Variants in SVIL observed in about 807,000 individuals in gnomAD.
SVIL encodes archvillin.
A neutral mutation model predicts 240.4 loss-of-function variants in SVIL; 101 were observed. That is an observed-to-expected ratio of 0.42 (90% CI 0.36 to 0.50). The LOEUF (loss-of-function observed/expected upper bound fraction) is 0.50. SVIL is among the 20% of genes least tolerant of loss of function. The pLI, the probability that SVIL is intolerant of heterozygous loss-of-function variation, is 0.01. For missense variants in SVIL, 2,512 were observed against 2,818.7 expected, an observed-to-expected ratio of 0.89 and a Z score of 2.46; for synonymous variants, 999 against 1,100.0, an observed-to-expected ratio of 0.91 and a Z score of 1.82.
chr10:29,498,230 C>A (rs1220931433), intron 18 of SVIL, among the ~76,000 whole-genome samples: 2 of 151,574 alleles, frequency 1.3e-5, no homozygotes, highest in African/African-American at 4.8e-5. Flanking sequence ...CCACCTGGCC[C>A]ACATGGTGAA....
intron 2 of SVIL, among the ~76,000 whole-genome samples, chr10:29,568,739 A>G (rs963391090): frequency 5.3e-5 from 8 of 152,050 alleles, no homozygotes; most frequent in African/African-American, 1.9e-4. Context: ...GTTAAGAGAG[A>G]GAGTTGAGAA....
intron 12 of SVIL, among the ~76,000 whole-genome samples, chr10:29,528,271 G>A (rs557964187): frequency 1.6e-4 from 24 of 152,140 alleles, no homozygotes; most frequent in Non-Finnish European, 2.6e-4. Context: ...AGAAACTGAG[G>A]AACAACTCGG....
intron 1 of SVIL, among the ~76,000 whole-genome samples, chr10:29,692,271 A>T (rs1446994434): frequency 1.3e-5 from 2 of 152,188 alleles, no homozygotes; most frequent in Non-Finnish European, 2.9e-5. Flanking sequence ...AGACGATGTG[A>T]TTTTCATGAC....
intron 33 of SVIL, among the ~76,000 whole-genome samples, chr10:29,466,278 C>T (rs1944913339): frequency 1.3e-5 from 2 of 151,566 alleles, no homozygotes; most frequent in Admixed American, 1.3e-4. Context: ...ATTTTATATA[C>T]ATTATACATG....
chr10:29,663,505 C>A (rs1959181350), intron 2 of SVIL, among the ~76,000 whole-genome samples: 1 of 152,190 alleles, frequency 6.6e-6, no homozygotes, highest in Admixed American at 6.5e-5. Flanking sequence ...TACAGGTGTG[C>A]ACCACAATGC....
chr10:29,519,003 A>C (rs1309364249), intron 16 of SVIL, among the ~76,000 whole-genome samples: 1 of 152,226 alleles, frequency 6.6e-6, no homozygotes, highest in Admixed American at 6.5e-5. Context: ...AGGCTGAAGA[A>C]GACAGACCTG....
chr10:29,718,325 CAAA>C (rs59660864), intron 1 of SVIL, among the ~76,000 whole-genome samples: 4 of 133,624 alleles, frequency 3.0e-5, no homozygotes, highest in Admixed American at 7.6e-5. Context: ...GACTCCGTCT[CAAA>C]AAAAAAAAAA....
chr10:29,537,421 C>T (rs945469014), intron 6 of SVIL, among the ~76,000 whole-genome samples: 3 of 152,110 alleles, frequency 2.0e-5, no homozygotes, highest in African/African-American at 4.8e-5. Flanking sequence ...AGAATATGAA[C>T]GAGTAATTAT....
chr10:29,530,179 A>C (rs1951256506), intron 11 of SVIL, among the ~76,000 whole-genome samples: 1 of 152,222 alleles, frequency 6.6e-6, no homozygotes, highest in Admixed American at 6.5e-5. Context: ...ATCTCTAAAA[A>C]AAAATTAAAA....
At chr10:29,460,454 G>A (rs1366259547) in intron 36 of SVIL, among the ~76,000 whole-genome samples, 1 of 152,176 alleles carries the variant, frequency 6.6e-6, no homozygotes, top group African/African-American at 2.4e-5. Flanking sequence ...GGAGGATGGT[G>A]AGTTATATCC....
intron 2 of SVIL, among the ~76,000 whole-genome samples, chr10:29,565,248 C>T (rs3758367): frequency 6.6e-6 from 1 of 151,926 alleles, no homozygotes; most frequent in Non-Finnish European, 1.5e-5. Flanking sequence ...AAGCAAGAAA[C>T]TGTCCCTGAG....
chr10:29,519,635 A>C (rs1950437717), intron 16 of SVIL, among the ~76,000 whole-genome samples: 5 of 152,240 alleles, frequency 3.3e-5, no homozygotes. Flanking sequence ...AGTACTGTGA[A>C]GGTAAGGGGG....
chr10:29,476,616 G>T (rs1441132948), intron 29 of SVIL, among the ~76,000 whole-genome samples: 1 of 152,102 alleles, frequency 6.6e-6, no homozygotes, highest in African/African-American at 2.4e-5. Flanking sequence ...TGTTGCCCAG[G>T]TTAGTCTGAA....
intron 17 of SVIL, among the ~76,000 whole-genome samples, chr10:29,509,469 G>T (rs374033043): frequency 3.7e-4 from 57 of 152,032 alleles, no homozygotes; most frequent in African/African-American, 1.3e-3. Flanking sequence ...TCCTCATTTT[G>T]GGGGGAGGGT....
chr10:29,470,573 G>T (rs561546170), intron 31 of SVIL, 90 bp from the exon 32 acceptor site: 2 of 1,464,370 alleles, frequency 1.4e-6, no homozygotes, highest in African/African-American at 2.8e-5. Context: ...TGTCGTCCAA[G>T]GCAGCCACCT....
intron 1 of SVIL, among the ~76,000 whole-genome samples, chr10:29,694,062 C>T (rs549108377): frequency 9.2e-5 from 14 of 151,862 alleles, no homozygotes; most frequent in Non-Finnish European, 1.6e-4. Context: ...ATAGACAGCC[C>T]CCCTACCCAG....
rs1285460794 is a variant in SVIL at position 29,551,066 on chromosome 10, A to T, written c.358T>A (p.Tyr120Asn). The T allele has an allele frequency of 6.2e-7, 1 of 1,613,854 alleles. No individual in the cohort carries two copies. Among genetic ancestry groups the T allele is most frequent in the African/African-American group, 1.3e-5 (1 of 74,842 alleles). ...AERRRQLAEKYGLTLDPEADS... is the reference protein window; with the variant it reads ...AERRRQLAEKNGLTLDPEADS... ...GCCTCGGGATCCAGAGTCAGCCCATACTTCTCTGCCAGCTGTCGCCTTCTT... is the reference window on the plus strand; with the variant it reads ...GCCTCGGGATCCAGAGTCAGCCCATTCTTCTCTGCCAGCTGTCGCCTTCTT... The change falls in exon 6 of 38, where the codon TAT (tyrosine) becomes AAT (asparagine). Residue 120 changes from tyrosine to asparagine, a missense_variant. Tyr to Asn is a moderately radical substitution (Grantham distance 143, BLOSUM62 -2). Coordinates refer to ENST00000355867, the MANE Select transcript of SVIL (RefSeq NM_021738.3).
intron 1 of SVIL, among the ~76,000 whole-genome samples, chr10:29,601,278 C>T (rs942437733): frequency 3.3e-5 from 5 of 152,194 alleles, no homozygotes; most frequent in East Asian, 1.9e-4. Context: ...AACCAATGTA[C>T]ACATCAGTTT....
intron 6 of SVIL, among the ~76,000 whole-genome samples, chr10:29,550,103 G>C (rs1484617058): frequency 6.6e-6 from 1 of 150,986 alleles, no homozygotes; most frequent in African/African-American, 2.4e-5. Context: ...AGAACATGAG[G>C]CTTCCTGCTT....
Sources: allele counts gnomAD v4.1 joint callset (sites outside exome capture counted in the v4.1 genomes callset), GRCh38; gene constraint gnomAD v4.1.1; transcripts MANE v1.5; gene names NCBI Gene and HGNC (gene_info 2026-07-23, HGNC 2026-07-21).